WDR17: variants seen among roughly 807,000 people sequenced by gnomAD.
WDR17 encodes the protein WD repeat-containing protein 17.
In WDR17, 143 loss-of-function variants were observed where a neutral mutation model predicts 161.7. That is an observed-to-expected ratio of 0.88 (90% CI 0.77 to 1.02). The LOEUF is 1.02. Among genes scored for constraint, WDR17 ranks in the 50% least tolerant of loss-of-function variants. The pLI is 0.00. For missense variants in WDR17, 1,469 were observed against 1,520.9 expected, an observed-to-expected ratio of 0.97 and a Z score of 0.57; for synonymous variants, 517 against 515.6, an observed-to-expected ratio of 1.00 and a Z score of -0.04.
At chr4:176,155,733 A>ATATATATATATATATC (rs1554033771) in intron 17 of WDR17, among the ~76,000 whole-genome samples, 1 of 146,590 alleles carries the variant, frequency 6.8e-6, no homozygotes, top group East Asian at 2.0e-4. Context: ...ATATATATAT[A>ATATATATATATATATC]TATGTTTTGG....
At chr4:176,107,298 G>A (rs765795211) in intron 1 of WDR17, among the ~76,000 whole-genome samples, 5 of 151,674 alleles carry the variant, frequency 3.3e-5, no homozygotes, top group Non-Finnish European at 4.4e-5. Flanking sequence ...GCACGTGTTG[G>A]TGAGGATGAG....
chr4:176,084,748 G>A (rs1469006949), intron 1 of WDR17, among the ~76,000 whole-genome samples: 2 of 144,878 alleles, frequency 1.4e-5, no homozygotes, highest in East Asian at 2.0e-4. Flanking sequence ...GCTTACTGTC[G>A]AGATTATATA....
At chr4:176,151,221 A>G (rs1012388497) in intron 16 of WDR17, among the ~76,000 whole-genome samples, 5 of 152,162 alleles carry the variant, frequency 3.3e-5, no homozygotes, top group Non-Finnish European at 7.3e-5. Context: ...CACAAAATCT[A>G]TTTGACAGGA....
At chr4:176,145,380 G>A (rs1487571120) in intron 11 of WDR17, among the ~76,000 whole-genome samples, 1 of 152,122 alleles carries the variant, frequency 6.6e-6, no homozygotes, top group African/African-American at 2.4e-5. Context: ...ATTTCCAGGG[G>A]CTTCATAGTT....
Position 176,151,833 on chromosome 4 carries a change from A to G in WDR17, c.2326A>G (p.Thr776Ala). The change falls in exon 17 of 29, where the codon ACA becomes GCA. Residue 776 changes from threonine to alanine, a missense_variant. Physicochemically the swap from Thr to Ala is moderately conservative, Grantham distance 58 (BLOSUM62 0). Coordinates refer to ENST00000508596, the MANE Select transcript of WDR17 (RefSeq NM_181265.4). The stretch of plus-strand genomic sequence containing the variant: ...CCAGTCTGAAGCTCAAGAACTAACA[A>G]CAGTCAAGATGTCTAAATTTGGTGG... ...FRTSEAQELT[T>A]VKMSKFGGGI... 1 of 1,594,174 alleles carries G rather than the reference A, an allele frequency of 6.3e-7. No homozygotes were observed. The highest frequency in any genetic ancestry group is 8.5e-7 in the Non-Finnish European group (1 of 1,174,314).
At position 176,181,128 on chromosome 4, in the gene WDR17, A is replaced by C. The variant is rs980397197; in HGVS notation, c.*1549A>C. 1 of 152,080 alleles carries C rather than the reference A, an allele frequency of 6.6e-6. No individual in the cohort carries two copies. Among genetic ancestry groups the C allele is most frequent in the Admixed American group, 6.6e-5 (1 of 15,246 alleles). The allele number at this position is 152,080 out of a possible 1,614,324, so 9.4% of individuals were successfully genotyped here. On this transcript the variant is annotated 3_prime_UTR_variant, in exon 29 of 29. Transcript: ENST00000508596. ...AATATATATTATGTATCTATGTATC[A>C]TATTTATCACATGACCACTTTTGAT...
chr4:176,143,696 A>T (rs1009029007), intron 11 of WDR17, among the ~76,000 whole-genome samples: 2 of 152,078 alleles, frequency 1.3e-5, no homozygotes, highest in African/African-American at 4.8e-5. Flanking sequence ...AAAGAAAAAA[A>T]TTATAAATAC....
intron 1 of WDR17, among the ~76,000 whole-genome samples, chr4:176,094,030 G>T (rs556711687): frequency 2.0e-5 from 3 of 152,092 alleles, no homozygotes; most frequent in Non-Finnish European, 4.4e-5. Context: ...ACTTATAATA[G>T]TATAATAAAG....
In WDR17 at chr4:176,131,700, G is replaced by T; in HGVS notation, c.1060G>T (p.Asp354Tyr). 1.2e-6 allele frequency: 2 copies of T among 1,612,870 alleles called. No individual in the cohort carries two copies. The highest frequency in any genetic ancestry group is 2.2e-5 in the South Asian group (2 of 90,816). ...CFLDGGVGLY[D>Y]MGAKKWDFLR... ...CTTGGATGGTGGAGTTGGACTTTAT[G>T]ATATGGGAGCTAAGAAGTGGGATTT... Residue 354 changes from aspartate (D) to tyrosine (Y), a missense_variant, in exon 7 of 29, where the codon GAT (aspartate) becomes TAT (tyrosine). Asp to Tyr is a radical substitution (Grantham distance 160). Coordinates refer to ENST00000508596, the MANE Select transcript of WDR17 (RefSeq NM_181265.4).
chr4:176,076,873 A>G (rs1334595246), intron 1 of WDR17, among the ~76,000 whole-genome samples: 8 of 152,066 alleles, frequency 5.3e-5, no homozygotes, highest in East Asian at 1.9e-4. Flanking sequence ...TACTGGATCA[A>G]TTATATCACT....
At chr4:176,150,358 T>C in intron 15 of WDR17, 110 bp from the exon 16 acceptor site, 1 of 1,459,182 alleles carries the variant, frequency 6.9e-7, no homozygotes, top group East Asian at 2.3e-5. Context: ...TGTAGTTATT[T>C]TGTTAATTTT....
chr4:176,146,132 G>A lies in WDR17; in HGVS notation c.1667G>A (p.Gly556Glu). 1 of 1,613,528 alleles carries A rather than the reference G, an allele frequency of 6.2e-7. No individual in the cohort carries two copies. The highest frequency in any genetic ancestry group is 8.5e-7 in the Non-Finnish European group (1 of 1,179,714). Residue 556 changes from glycine to glutamate, a missense_variant, in exon 12 of 29, where the codon GGA becomes GAA. By Grantham distance (98) the Gly-to-Glu change is moderately conservative. Coordinates refer to ENST00000508596, the MANE Select transcript of WDR17 (RefSeq NM_181265.4). Reference protein sequence around the residue: ...FHVKWSPLREGILCSGSDDGT... With the variant: ...FHVKWSPLREEILCSGSDDGT... The stretch of plus-strand genomic sequence containing the variant: ...GTTAAATGGTCTCCTCTGAGAGAGG[G>A]AATTCTTTGCAGTGGTTCTGATGAT...
intron 1 of WDR17, among the ~76,000 whole-genome samples, chr4:176,093,436 A>G (rs934193781): frequency 6.6e-6 from 1 of 152,182 alleles, no homozygotes; most frequent in Non-Finnish European, 1.5e-5. Flanking sequence ...TTGACTATTC[A>G]ATGCCTGCAA....
At chr4:176,160,256 C>G in intron 19 of WDR17, 130 bp downstream of exon 19, 1 of 1,004,866 alleles carries the variant, frequency 1.0e-6, no homozygotes, top group Non-Finnish European at 1.4e-6. Context: ...GCCCTCCTCC[C>G]TGGCCTTCTT....
At chr4:176,088,741 C>A (rs1158332738) in intron 1 of WDR17, among the ~76,000 whole-genome samples, 1 of 152,218 alleles carries the variant, frequency 6.6e-6, no homozygotes, top group Non-Finnish European at 1.5e-5. Flanking sequence ...AACACATTTC[C>A]TTGATCTAAT....
chr4:176,137,712 C>A, intron 9 of WDR17, 101 bp downstream of exon 9: 1 of 631,312 alleles, frequency 1.6e-6, no homozygotes, highest in Non-Finnish European at 2.3e-6. Context: ...ACTTAATAAT[C>A]AGGTGGTATG....
chr4:176,152,762 C>A (rs1747409998), intron 17 of WDR17, among the ~76,000 whole-genome samples: 1 of 151,176 alleles, frequency 6.6e-6, no homozygotes, highest in Non-Finnish European at 1.5e-5. Flanking sequence ...TGGAGAAACC[C>A]CGCCTCTTCT....
rs781552058 is a variant in WDR17 at position 176,160,131 on chromosome 4, A to G, written c.2658+5A>G. On this transcript the variant is annotated splice_donor_5th_base_variant and intron_variant, in intron 19 of 28. Coordinates refer to ENST00000508596, the MANE Select transcript of WDR17 (RefSeq NM_181265.4). ...GAAGCTCTGCTTGTTGCACAGGTAAAACCACAGAACTACCCCAGTCACATA... is the reference window on the plus strand; with the variant it reads ...GAAGCTCTGCTTGTTGCACAGGTAAGACCACAGAACTACCCCAGTCACATA... 18 of 1,613,118 alleles carry G rather than the reference A, an allele frequency of 1.1e-5. No homozygotes were observed. The highest frequency in any genetic ancestry group is 1.5e-5 in the Non-Finnish European group (18 of 1,179,458).
intron 1 of WDR17, among the ~76,000 whole-genome samples, chr4:176,096,144 A>G (rs890735114): frequency 6.6e-6 from 1 of 151,978 alleles, no homozygotes; most frequent in African/African-American, 2.4e-5. Flanking sequence ...TCTGCTGCCC[A>G]TTTTGTGATT....
Sources: allele counts gnomAD v4.1 joint callset (sites outside exome capture counted in the v4.1 genomes callset), GRCh38; gene constraint gnomAD v4.1.1; transcripts MANE v1.5; gene names NCBI Gene and HGNC (gene_info 2026-07-23, HGNC 2026-07-21).